FOXN2: variants seen among roughly 807,000 people sequenced by gnomAD.
The protein encoded by FOXN2 is forkhead box protein N2.
In FOXN2, 19 loss-of-function variants were observed where a neutral mutation model predicts 41.2. The ratio of observed to expected loss-of-function variants is 0.46; its 90% CI spans 0.32 to 0.68. FOXN2 has a LOEUF of 0.68. Ranked by LOEUF, FOXN2 falls within the 30% of genes least tolerant of loss-of-function variation. FOXN2 has a pLI of 0.03. For synonymous variants in FOXN2, 195 were observed against 176.8 expected, an observed-to-expected ratio of 1.10 and a Z score of -0.82; for missense variants, 587 against 509.4, an observed-to-expected ratio of 1.15 and a Z score of -1.47.
chr2:48,335,217 G>C (rs899022299), intron 2 of FOXN2, among the ~76,000 whole-genome samples: 2 of 152,186 alleles, frequency 1.3e-5, no homozygotes, highest in Non-Finnish European at 2.9e-5. Context: ...AATATGTTCA[G>C]TAACAGGCTT....
At chr2:48,344,257 C>T (rs1168960623) in intron 2 of FOXN2, among the ~76,000 whole-genome samples, 1 of 152,140 alleles carries the variant, frequency 6.6e-6, no homozygotes, top group Non-Finnish European at 1.5e-5. Context: ...AAACAGAAAC[C>T]AAATCCGTTA....
At chr2:48,363,289 A>G in intron 5 of FOXN2, among the ~76,000 whole-genome samples, 1 of 152,296 alleles carries the variant, frequency 6.6e-6, no homozygotes, top group East Asian at 1.9e-4. Flanking sequence ...TAAAAATAGA[A>G]AAAAGCTTAT....
intron 5 of FOXN2, among the ~76,000 whole-genome samples, chr2:48,371,312 G>T (rs149907133): frequency 2.0e-5 from 3 of 152,006 alleles, no homozygotes; most frequent in Non-Finnish European, 4.4e-5. Context: ...CACAAGAATC[G>T]CTTGAACCTG....
At chr2:48,332,435 A>T (rs1436224944) in intron 2 of FOXN2, among the ~76,000 whole-genome samples, 3 of 152,186 alleles carry the variant, frequency 2.0e-5, no homozygotes, top group Non-Finnish European at 4.4e-5. Flanking sequence ...ATGGGGACAA[A>T]TATAATAAGG....
At chr2:48,331,161 T>G (rs1669996695) in intron 2 of FOXN2, among the ~76,000 whole-genome samples, 1 of 152,206 alleles carries the variant, frequency 6.6e-6, no homozygotes, top group Non-Finnish European at 1.5e-5. Flanking sequence ...AAAAAATTAA[T>G]TTGCCTAAGT....
intron 2 of FOXN2, among the ~76,000 whole-genome samples, chr2:48,344,100 C>T (rs1051028547): frequency 8.6e-5 from 13 of 151,938 alleles, no homozygotes; most frequent in Admixed American, 5.9e-4. Context: ...AATTCTCATT[C>T]GTCATGTTTT....
chr2:48,322,150 G>A (rs548621940), intron 1 of FOXN2, among the ~76,000 whole-genome samples: 4 of 152,154 alleles, frequency 2.6e-5, no homozygotes, highest in Non-Finnish European at 5.9e-5. Context: ...GTTTCACCGT[G>A]TTGGCCAGGC....
At chr2:48,339,687 T>A (rs1390854292) in intron 2 of FOXN2, among the ~76,000 whole-genome samples, 1 of 152,208 alleles carries the variant, frequency 6.6e-6, no homozygotes, top group Non-Finnish European at 1.5e-5. Context: ...GATTCAGCAT[T>A]TTTTGGTAAG....
chr2:48,376,688 A>G lies in FOXN2; in HGVS notation c.*1245A>G, dbSNP rs1415439372. ...TCTTAACTATTTGAACAGTCTGCTT[A>G]TATGAGACAGTTTTTCATAGTATCA... On this transcript the variant is annotated 3_prime_UTR_variant, in exon 7 of 7. Coordinates refer to ENST00000340553, the MANE Select transcript of FOXN2 (RefSeq NM_002158.4). 2.0e-5 allele frequency: 3 copies of G among 152,542 alleles called. No homozygotes were observed. Among genetic ancestry groups the G allele is most frequent in the Non-Finnish European group, 4.4e-5 (3 of 67,934 alleles). The allele number at this position is 152,542 out of a possible 1,614,324, so 9.4% of individuals were successfully genotyped here.
intron 2 of FOXN2, among the ~76,000 whole-genome samples, chr2:48,332,778 TCTAAGTG>T (rs1366890632): frequency 1.3e-5 from 2 of 152,186 alleles, no homozygotes; most frequent in Non-Finnish European, 2.9e-5. Flanking sequence ...GTACCTCTGT[TCTAAGTG>T]CTTTATTTTT....
At chr2:48,341,332 T>C (rs1159372762) in intron 2 of FOXN2, among the ~76,000 whole-genome samples, 4 of 152,306 alleles carry the variant, frequency 2.6e-5, no homozygotes, top group African/African-American at 9.6e-5. Flanking sequence ...TTCTTGATTT[T>C]ATTGTGAAAT....
intron 2 of FOXN2, among the ~76,000 whole-genome samples, chr2:48,333,257 C>T (rs537842835): frequency 6.6e-6 from 1 of 152,176 alleles, no homozygotes; most frequent in East Asian, 1.9e-4. Flanking sequence ...TAGTATATCT[C>T]TTATACATCT....
intron 5 of FOXN2, among the ~76,000 whole-genome samples, chr2:48,371,204 C>G (rs909359117): frequency 6.6e-6 from 1 of 152,112 alleles, no homozygotes; most frequent in African/African-American, 2.4e-5. Context: ...TTGAGACCAG[C>G]CTGGCCAACA....
At chr2:48,359,224 G>C in intron 4 of FOXN2, 77 bp downstream of exon 4, 1 of 967,956 alleles carries the variant, frequency 1.0e-6, no homozygotes, top group Non-Finnish European at 1.6e-6. Flanking sequence ...TAAAGGTCCA[G>C]GGTATTATGT....
chr2:48,321,236 T>C (rs1008276297), intron 1 of FOXN2, among the ~76,000 whole-genome samples: 2 of 152,118 alleles, frequency 1.3e-5, no homozygotes, highest in Non-Finnish European at 2.9e-5. Flanking sequence ...TGACCAGCTT[T>C]TATTAAAAAA....
intron 3 of FOXN2, among the ~76,000 whole-genome samples, chr2:48,357,582 G>T (rs561952641): frequency 6.6e-6 from 1 of 150,852 alleles, no homozygotes; most frequent in Non-Finnish European, 1.5e-5. Context: ...GACTATAGGC[G>T]CGCACCACCA....
rs1671121374 is a variant in FOXN2, at chr2:48,346,634, C to G, written c.420C>G (p.Ser140Arg). 27 of 1,614,146 alleles carry G rather than the reference C, an allele frequency of 1.7e-5. No individual in the cohort carries two copies. Among genetic ancestry groups the G allele is most frequent in the Non-Finnish European group, 2.2e-5 (26 of 1,179,994 alleles). Reference protein sequence around the residue: ...NKCLPVKEIYSWILDHFPYFA... With the variant: ...NKCLPVKEIYRWILDHFPYFA... ...GTTTGCCTGTCAAAGAAATTTATAG[C>G]TGGATTCTGGACCATTTTCCATATT... The change falls in exon 3 of 7, where the codon AGC becomes AGG. Residue 140 changes from serine to arginine, a missense_variant. By Grantham distance (110) the Ser-to-Arg change is moderately radical. Transcript: ENST00000340553.
In FOXN2 at chr2:48,331,111, A is replaced by G. The variant is rs1345761285; in HGVS notation, c.-15+2409A>G. ...ATGTTCTTCATTACCCAAAGAGGTA[A>G]TAAGGAAAGATATTCAGTGACTGGC... On this transcript the variant is annotated intron_variant, in intron 2 of 6. Transcript: ENST00000340553. 2.6e-5 allele frequency among the ~76,000 whole-genome samples: 4 copies of G among 152,172 alleles called. No individual in the cohort carries two copies. The South Asian group carries it at 8.3e-4, about 32-fold the overall frequency.
At chr2:48,333,251 A>G (rs756273565) in intron 2 of FOXN2, among the ~76,000 whole-genome samples, 4 of 152,116 alleles carry the variant, frequency 2.6e-5, no homozygotes, top group South Asian at 2.1e-4. Context: ...TCTGAATAGT[A>G]TATCTCTTAT....
Sources: allele counts gnomAD v4.1 joint callset (sites outside exome capture counted in the v4.1 genomes callset), GRCh38; gene constraint gnomAD v4.1.1; transcripts MANE v1.5; gene names NCBI Gene and HGNC (gene_info 2026-07-23, HGNC 2026-07-21).